The following PLCB2 variants were observed in gnomAD, a reference collection of about 807,000 sequenced individuals.
The protein encoded by PLCB2 is 1-phosphatidylinositol 4,5-bisphosphate phosphodiesterase beta-2.
A neutral mutation model predicts 141.7 loss-of-function variants in PLCB2; 115 were observed. The ratio of observed to expected loss-of-function variants is 0.81; its 90% CI spans 0.70 to 0.95. PLCB2 has a LOEUF of 0.95. Among genes scored for constraint, PLCB2 ranks in the 40% least tolerant of loss-of-function variants. The pLI is 0.00. For missense variants in PLCB2, 1,403 were observed against 1,541.1 expected (o/e 0.91, Z 1.50); for synonymous variants, 603 against 595.6 (o/e 1.01, Z -0.18).
At chr15:40,298,453 A>G (rs2040346071) in intron 10 of PLCB2, 73 bp from the exon 11 acceptor site, 4 of 1,585,358 alleles carry the variant, frequency 2.5e-6, no homozygotes. Context: ...CCGCCACTCC[A>G]TCATGGTCTG....
Position 40,307,582 on chromosome 15 carries a change from CA to C in PLCB2, c.84+6del. 6.4e-7 allele frequency: 1 copy of C among 1,564,928 alleles called. No individual in the cohort carries two copies. Among genetic ancestry groups the C allele is most frequent in the Non-Finnish European group, 8.7e-7 (1 of 1,146,534 alleles). On this transcript the variant is annotated splice_donor_region_variant and intron_variant, in intron 1 of 31. Transcript: ENST00000260402. ...GCTCCAGCAGCTGAGGCCCCTGCCC[CA>C]CTTACATCATCCCATTTGATGAAGC...
chr15:40,286,256 G>A (rs1010157192), downstream of PLCB2, among the ~76,000 whole-genome samples: 6 of 152,042 alleles, frequency 3.9e-5, no homozygotes, highest in African/African-American at 1.2e-4. Flanking sequence ...CTCCCCTCCT[G>A]TCCCACCTGC....
Position 40,292,163 on chromosome 15 carries a change from G to GT in PLCB2, c.2432-6dup. On this transcript the variant is annotated splice_region_variant and splice_polypyrimidine_tract_variant and intron_variant, in intron 22 of 31. Coordinates refer to ENST00000260402, the MANE Select transcript of PLCB2 (RefSeq NM_004573.3). ...TGGCGAGGGCCACAGTGAGATCTGG[G>GT]TGGGTGCACAGGACATTACAACATA... The GT allele has an allele frequency of 6.2e-7, 1 of 1,612,972 alleles. No homozygotes were observed. Among genetic ancestry groups the GT allele is most frequent in the Non-Finnish European group, 8.5e-7 (1 of 1,178,922 alleles).
chr15:40,297,943 A>G lies in PLCB2; in HGVS notation c.1172T>C (p.Ile391Thr), dbSNP rs770561613. Residue 391 changes from isoleucine to threonine, a missense_variant, in exon 12 of 32, where the codon ATT (isoleucine) becomes ACT (threonine). Physicochemically the swap from Ile to Thr is moderately conservative, Grantham distance 89. This residue lies in a region of PLCB2 where 975 missense variants were observed against 1,141.1 expected (regional missense o/e 0.85). Coordinates refer to ENST00000260402, the MANE Select transcript of PLCB2 (RefSeq NM_004573.3). This position sits in a 1 kb window ranked among gnomAD's most constrained non-coding sequence, Gnocchi z 4.2. Reference protein sequence around the residue: ...DIFFKEAIEAIAESAFKTSPY... With the variant: ...DIFFKEAIEATAESAFKTSPY... The stretch of plus-strand genomic sequence containing the variant: ...GGAGGTCTTAAAGGCGCTTTCTGCA[A>G]TAGCCTCAATTGCTTCCTGGAGGAG... The G allele has an allele frequency of 3.1e-6, 5 of 1,611,480 alleles. No homozygotes were observed. The highest frequency in any genetic ancestry group is 4.5e-5 in the East Asian group (2 of 44,876).
intron 7 of PLCB2, chr15:40,301,690 G>T (rs1268353368): frequency 1.4e-6 from 1 of 703,756 alleles, no homozygotes; most frequent in East Asian, 2.7e-5. Flanking sequence ...CCTGAACACA[G>T]TCCATCAACC....
chr15:40,294,452 C>T (rs2040097257), intron 18 of PLCB2, 32 bp from the exon 19 acceptor site: 1 of 1,612,200 alleles, frequency 6.2e-7, no homozygotes, highest in South Asian at 1.1e-5. Context: ...GTGAGGAAGG[C>T]CCAGCCCTGG....
At chr15:40,284,361 C>G, downstream of PLCB2, 1 of 351,896 alleles carries the variant, frequency 2.8e-6, no homozygotes, top group South Asian at 2.1e-5. Flanking sequence ...AGACGTTCCA[C>G]CTCTTAAGAA....
chr15:40,286,831 G>T (rs11070261), downstream of PLCB2, among the ~76,000 whole-genome samples: 151,846 of 152,360 alleles, frequency 1, 75,668 homozygotes, highest in Middle Eastern at 1. Flanking sequence ...GGCCCCAGTC[G>T]GCTATGCAGA....
At chr15:40,299,666 T>A (rs1004398188) in intron 7 of PLCB2, among the ~76,000 whole-genome samples, 2 of 151,940 alleles carry the variant, frequency 1.3e-5, no homozygotes, top group African/African-American at 2.4e-5. Flanking sequence ...AGGAGGACAA[T>A]TCAACAATAA....
chr15:40,296,921 G>C lies in PLCB2; in HGVS notation c.1324-13C>G. 6.2e-7 allele frequency: 1 copy of C among 1,613,708 alleles called. No individual in the cohort carries two copies. The highest frequency in any genetic ancestry group is 8.5e-7 in the Non-Finnish European group (1 of 1,179,862). ...CACCTGGTTTTAGCTATGGAGTGGA[G>C]AGCAGGTCAGCACCATCTTCTCACC... On this transcript the variant is annotated splice_polypyrimidine_tract_variant and intron_variant, in intron 13 of 31. Transcript: ENST00000260402.
rs2040085027 is a variant in PLCB2, at chr15:40,294,263, T to C, written c.2061+3A>G. On this transcript the variant is annotated splice_donor_region_variant and intron_variant, in intron 19 of 31. Coordinates refer to ENST00000260402, the MANE Select transcript of PLCB2 (RefSeq NM_004573.3). The stretch of plus-strand genomic sequence containing the variant: ...CGGCCACTTGTGTGCCCCAGGGCCT[T>C]GCCGTAATGGAAAGGGTGGTGGCCA... 6.2e-7 allele frequency: 1 copy of C among 1,613,284 alleles called. No individual in the cohort carries two copies. Among genetic ancestry groups the C allele is most frequent in the Non-Finnish European group, 8.5e-7 (1 of 1,179,860 alleles).
At chr15:40,306,251 A>T (rs1271228970) in intron 1 of PLCB2, among the ~76,000 whole-genome samples, 1 of 152,228 alleles carries the variant, frequency 6.6e-6, no homozygotes, top group African/African-American at 2.4e-5. Context: ...CCTGTCTCAC[A>T]GCAGCATGGA....
chr15:40,294,271 T>A lies in PLCB2; in HGVS notation c.2056A>T (p.Ile686Phe), dbSNP rs1424033609. 1 of 1,613,408 alleles carries A rather than the reference T, an allele frequency of 6.2e-7. No individual in the cohort carries two copies. Among genetic ancestry groups the A allele is most frequent in the African/African-American group, 1.3e-5 (1 of 74,890 alleles). The change falls in exon 19 of 32, where the codon ATT becomes TTT. Residue 686 changes from isoleucine to phenylalanine, a missense_variant. Around this residue, in one of 4 missense-constraint regions of PLCB2, gnomAD observed 975 missense variants for 1,141.1 expected, o/e 0.85. Transcript: ENST00000260402. ...IDVVVATTLS[I>F]TVISGQFLSE... The stretch of plus-strand genomic sequence containing the variant: ...TGTGTGCCCCAGGGCCTTGCCGTAA[T>A]GGAAAGGGTGGTGGCCACCACCACG...
At position 40,290,691 on chromosome 15, in the gene PLCB2, G is replaced by A. The variant is rs781603619; in HGVS notation, c.3114-19C>T. On this transcript the variant is annotated intron_variant, in intron 28 of 31. Coordinates refer to ENST00000260402, the MANE Select transcript of PLCB2 (RefSeq NM_004573.3). ...GGTGTCGCTGCAGAGAGACAGGCAT[G>A]AAGGAGCTGTTTTGTGCGGCTGAGC... is the stretch of plus-strand genomic sequence containing the variant. 6.2e-7 allele frequency: 1 copy of A among 1,612,642 alleles called. No individual in the cohort carries two copies. The highest frequency in any genetic ancestry group is 2.2e-5 in the East Asian group (1 of 44,852).
At chr15:40,292,542 C>T (rs920101702) in intron 21 of PLCB2, 99 bp from the exon 22 acceptor site, 5 of 728,710 alleles carry the variant, frequency 6.9e-6, no homozygotes, top group Non-Finnish European at 9.1e-6. Flanking sequence ...TGGCACTGCA[C>T]CATCCTGGCT....
intron 14 of PLCB2, 36 bp from the exon 15 acceptor site, chr15:40,296,670 A>T: frequency 6.2e-7 from 1 of 1,611,752 alleles, no homozygotes; most frequent in Non-Finnish European, 8.5e-7. Flanking sequence ...TGGCTCCTGC[A>T]TGGCTCCTCC....
At chr15:40,285,589 G>T (rs1337454894), downstream of PLCB2, 1 of 985,250 alleles carries the variant, frequency 1.0e-6, no homozygotes, top group Non-Finnish European at 1.2e-6. Context: ...TGGCCCCCAG[G>T]AATGGATAGA....
chr15:40,301,772 C>A, intron 7 of PLCB2, 185 bp downstream of exon 7: 1 of 699,150 alleles, frequency 1.4e-6, no homozygotes, highest in Non-Finnish European at 2.6e-6. Context: ...GGTCTCACTC[C>A]CTTGCCCTGG....
chr15:40,301,387 A>G (rs1251051308), intron 7 of PLCB2: 3 of 600,258 alleles, frequency 5.0e-6, no homozygotes, highest in Non-Finnish European at 8.9e-6. Flanking sequence ...CCTTTTTGTA[A>G]TTCACACAAG....
Sources: allele counts gnomAD v4.1 joint callset (sites outside exome capture counted in the v4.1 genomes callset), GRCh38; gene constraint gnomAD v4.1.1; regional missense constraint gnomAD v4.1.1; non-coding constraint Gnocchi (gnomAD v3.1); transcripts MANE v1.5; gene names NCBI Gene and HGNC (gene_info 2026-07-23, HGNC 2026-07-21).